The following FLT1 variants were observed in gnomAD, a reference collection of about 807,000 sequenced individuals.
FLT1 encodes the protein fms related receptor tyrosine kinase 1, also known as vascular endothelial growth factor receptor 1.
FLT1 carries 49 observed loss-of-function variants against 156.3 expected under a neutral mutation model. The observed-to-expected ratio is 0.31, with a 90% CI of 0.25 to 0.40. The LOEUF (loss-of-function observed/expected upper bound fraction) is 0.40. Ranked by LOEUF, FLT1 falls within the 10% of genes least tolerant of loss-of-function variation. The probability of loss-of-function intolerance (pLI) is 1.00; values close to 1 mark genes in which losing one functional copy is unlikely to be tolerated. For synonymous variants in FLT1, 594 were observed against 583.8 expected (o/e 1.02, Z -0.25); for missense variants, 1,322 against 1,637.2 (o/e 0.81, Z 3.32).
At chr13:28,393,050 C>T (rs1325698090) in intron 12 of FLT1, among the ~76,000 whole-genome samples, 2 of 151,950 alleles carry the variant, frequency 1.3e-5, no homozygotes, top group Non-Finnish European at 2.9e-5. Flanking sequence ...GAATTGCCTT[C>T]TAACCCTCAA....
At chr13:28,428,665 A>G (rs1354141852) in intron 8 of FLT1, among the ~76,000 whole-genome samples, 1 of 152,106 alleles carries the variant, frequency 6.6e-6, no homozygotes, top group Non-Finnish European at 1.5e-5. Context: ...ATTTTCTCAA[A>G]TTTTCTAGAG....
At chr13:28,411,701 G>GA (rs889291732) in intron 10 of FLT1, among the ~76,000 whole-genome samples, 1 of 152,044 alleles carries the variant, frequency 6.6e-6, no homozygotes, top group African/African-American at 2.4e-5. Flanking sequence ...TCCAACACTA[G>GA]AATGAGTGGC....
chr13:28,468,808 T>C (rs1879990623), intron 1 of FLT1, among the ~76,000 whole-genome samples: 1 of 152,240 alleles, frequency 6.6e-6, no homozygotes, highest in African/African-American at 2.4e-5. Context: ...GCTAGCACCA[T>C]GCTTGTACAG....
chr13:28,336,275 C>T (rs1270380848), intron 17 of FLT1, among the ~76,000 whole-genome samples: 1 of 152,218 alleles, frequency 6.6e-6, no homozygotes, highest in Non-Finnish European at 1.5e-5. Flanking sequence ...CTCTTGGAAG[C>T]TGACTGCTGC....
At chr13:28,442,917 C>A (rs1427702150) in intron 3 of FLT1, among the ~76,000 whole-genome samples, 3 of 152,196 alleles carry the variant, frequency 2.0e-5, no homozygotes, top group Admixed American at 1.3e-4. Flanking sequence ...ACTTACTACT[C>A]CCGTAGGACA....
chr13:28,322,659 T>C lies in FLT1; in HGVS notation c.2953+131A>G, dbSNP rs1241410676. 3.4e-5 allele frequency: 29 copies of C among 853,980 alleles called. No individual in the cohort carries two copies. Among genetic ancestry groups the C allele is most frequent in the Non-Finnish European group, 3.9e-6 (2 of 508,666 alleles). The allele number at this position is 853,980 out of a possible 1,614,324, so 52.9% of individuals were successfully genotyped here. On this transcript the variant is annotated intron_variant, in intron 21 of 29. Transcript: ENST00000282397. The surrounding 1 kb of genome is among the most constrained non-coding windows in gnomAD (Gnocchi z 4.3). ...AAATTATCTTAATTCAAATCTTATC[T>C]CCTCAGGACATTACCATTCGAGTCT...
chr13:28,322,381 A>C lies in FLT1; in HGVS notation c.2954-22T>G, dbSNP rs1357719332. 6 of 1,472,480 alleles carry C rather than the reference A, an allele frequency of 4.1e-6. No individual in the cohort carries two copies. Among genetic ancestry groups the C allele is most frequent in the Non-Finnish European group, 5.7e-6 (6 of 1,050,666 alleles). 91.2% of individuals were successfully genotyped at this position (1,472,480 alleles called of 1,614,324 possible). A position where few individuals can be genotyped will look rare whatever the true frequency, so the allele number is the denominator to read the frequency against. ...GAATCTGGAAAGCATTAGAACCGTA[A>C]CTGTTTGTAATGGCTCTTGTTATCC... On this transcript the variant is annotated intron_variant, in intron 21 of 29. Coordinates refer to ENST00000282397, the MANE Select transcript of FLT1 (RefSeq NM_002019.4). This position sits in a 1 kb window ranked among gnomAD's most constrained non-coding sequence, Gnocchi z 4.3.
At position 28,389,987 on chromosome 13, in the gene FLT1, C is replaced by A; in HGVS notation, c.1778G>T (p.Arg593Leu). The change falls in exon 13 of 30, where the codon CGG becomes CTG. Residue 593 changes from arginine (R) to leucine (L), a missense_variant. Around this residue, in one of 3 missense-constraint regions of FLT1, gnomAD observed 991 missense variants for 1,254.8 expected, o/e 0.79. Transcript: ENST00000282397. The stretch of plus-strand genomic sequence containing the variant: ...GTGCATTGTTCTGTTATTAACTGTC[C>A]GCAGTAAAATCCAAGTAACGTCTCT... ...LYRDVTWILL[R>L]TVNNRTMHYS... 6.2e-7 allele frequency: 1 copy of A among 1,614,016 alleles called. No individual in the cohort carries two copies. Among genetic ancestry groups the A allele is most frequent in the Non-Finnish European group, 8.5e-7 (1 of 1,179,966 alleles).
chr13:28,314,817 T>C (rs1325347799), intron 25 of FLT1, among the ~76,000 whole-genome samples: 1 of 152,224 alleles, frequency 6.6e-6, no homozygotes, highest in African/African-American at 2.4e-5. Context: ...TTTTAAAATT[T>C]CTAAAATCTC....
chr13:28,352,202 G>T (rs1431034148), intron 15 of FLT1, among the ~76,000 whole-genome samples: 1 of 152,174 alleles, frequency 6.6e-6, no homozygotes, highest in Admixed American at 6.5e-5. Flanking sequence ...CCATTTCCAA[G>T]CTGTGTAACC....
intron 20 of FLT1, among the ~76,000 whole-genome samples, chr13:28,326,953 G>A (rs1407469297): frequency 1.3e-5 from 2 of 152,208 alleles, no homozygotes; most frequent in Non-Finnish European, 2.9e-5. Context: ...GAGGGTGTCA[G>A]GAAGTAGGGG....
chr13:28,434,209 G>A lies in FLT1; in HGVS notation c.525C>T (p.Asp175=), dbSNP rs764351234. Residue 175 remains aspartate (D), a synonymous_variant, in exon 5 of 30, where the codon GAC becomes GAT. Coordinates refer to ENST00000282397, the MANE Select transcript of FLT1 (RefSeq NM_002019.4). ...TGCGTTTTCCATCAGGGATCAAAGT[G>A]TCAAGTGGAAACTGAAAAGGAAGAG... The part of the protein sequence containing the change: ...ITVTLKKFPL[D]TLIPDGKRII... 9 of 1,614,044 alleles carry A rather than the reference G, an allele frequency of 5.6e-6. No individual in the cohort carries two copies. Among genetic ancestry groups the A allele is most frequent in the Non-Finnish European group, 6.8e-6 (8 of 1,179,984 alleles).
intron 3 of FLT1, among the ~76,000 whole-genome samples, chr13:28,444,851 AAATTTAC>A (rs1878522643): frequency 8.7e-6 from 1 of 114,388 alleles, no homozygotes; most frequent in Non-Finnish European, 1.9e-5. Context: ...CTAAAATTTA[AAATTTAC>A]GGGATGAAGC....
chr13:28,484,505 G>A (rs1881034767), intron 1 of FLT1, among the ~76,000 whole-genome samples: 1 of 152,150 alleles, frequency 6.6e-6, no homozygotes, highest in South Asian at 2.1e-4. Context: ...AGTTTTTTGG[G>A]AGGTCCTTGA....
chr13:28,325,274 G>A (rs954581655), intron 20 of FLT1, among the ~76,000 whole-genome samples: 12 of 152,152 alleles, frequency 7.9e-5, no homozygotes, highest in Non-Finnish European at 1.6e-4. Flanking sequence ...TCAGTACTAA[G>A]GGGAATTTGT....
chr13:28,368,585 G>A (rs987054014), intron 14 of FLT1: 1 of 1,495,202 alleles, frequency 6.7e-7, no homozygotes, highest in Non-Finnish European at 9.1e-7. Context: ...TAGCTATGAT[G>A]ATGATGATGA....
At chr13:28,447,179 A>G (rs1332600631) in intron 3 of FLT1, among the ~76,000 whole-genome samples, 2 of 147,312 alleles carry the variant, frequency 1.4e-5, no homozygotes, top group East Asian at 3.9e-4. Context: ...TATATAATAT[A>G]TTATATATTT....
chr13:28,402,536 A>G (rs1875506863), intron 11 of FLT1, among the ~76,000 whole-genome samples: 1 of 151,996 alleles, frequency 6.6e-6, no homozygotes, highest in Non-Finnish European at 1.5e-5. Flanking sequence ...TACAACTGCT[A>G]ATGGGATATG....
chr13:28,455,452 G>T (rs1280306793), intron 3 of FLT1, among the ~76,000 whole-genome samples: 2 of 152,112 alleles, frequency 1.3e-5, no homozygotes, highest in East Asian at 3.9e-4. Context: ...AAAAAATGAG[G>T]CTAGACACAG....
Sources: gnomAD v4.1 joint callset for allele counts (sites outside exome capture counted in the v4.1 genomes callset) on GRCh38, gnomAD v4.1.1 for gene constraint, gnomAD v4.1.1 regional missense constraint, Gnocchi (gnomAD v3.1) non-coding constraint, MANE v1.5 for transcripts, NCBI Gene and HGNC (gene_info 2026-07-23, HGNC 2026-07-21) for gene names.